The following PRRG1 variants were observed in gnomAD, a reference collection of about 807,000 sequenced individuals.
PRRG1 encodes transmembrane gamma-carboxyglutamic acid protein 1.
A neutral mutation model predicts 11.8 loss-of-function variants in PRRG1; 5 were observed. That is an observed-to-expected ratio of 0.42 (90% CI 0.22 to 0.89). PRRG1 has a LOEUF of 0.89. Ranked by LOEUF, PRRG1 falls within the 40% of genes least tolerant of loss-of-function variation. PRRG1 has a pLI of 0.28. For synonymous variants in PRRG1, 66 were observed against 60.4 expected, an observed-to-expected ratio of 1.09 and a Z score of -0.43; for missense variants, 155 against 166.1, an observed-to-expected ratio of 0.93 and a Z score of 0.37.
intron 3 of PRRG1, among the ~76,000 whole-genome samples, chrX:37,431,748 T>C (rs1422200811): frequency 9.0e-6 from 1 of 111,636 alleles, no homozygotes; most frequent in Non-Finnish European, 1.9e-5. Context: ...TGATTCTCAG[T>C]GTGAACAATG....
chrX:37,441,524 T>G, intron 3 of PRRG1: 10 of 758,522 alleles, frequency 1.3e-5, no homozygotes, highest in Non-Finnish European at 1.6e-5. Context: ...GTGCCTGCCA[T>G]GGCCACCACC....
intron 1 of PRRG1, among the ~76,000 whole-genome samples, chrX:37,364,043 G>T (rs916590926): frequency 1.9e-4 from 21 of 110,876 alleles, no homozygotes; most frequent in African/African-American, 6.2e-4. Context: ...AGTGAAGGAG[G>T]CCCTGTATTT....
At chrX:37,418,503 A>G (rs1157535288) in intron 2 of PRRG1, among the ~76,000 whole-genome samples, 1 of 112,248 alleles carries the variant, frequency 8.9e-6, no homozygotes, top group East Asian at 2.8e-4. Flanking sequence ...AAAATTTTCA[A>G]TTTGAGCAAA....
At chrX:37,403,072 C>T (rs1449721442) in intron 1 of PRRG1, among the ~76,000 whole-genome samples, 9 of 109,217 alleles carry the variant, frequency 8.2e-5, no homozygotes, top group Admixed American at 2.9e-4. Context: ...GTCAGTGTGG[C>T]GATTCCTCAG....
chrX:37,370,395 C>T (rs185768382), intron 1 of PRRG1, among the ~76,000 whole-genome samples: 97 of 111,777 alleles, frequency 8.7e-4, no homozygotes, highest in Middle Eastern at 4.6e-3. Flanking sequence ...CTAGAGCAGT[C>T]GCTGCCATGA....
At chrX:37,395,437 A>G (rs1601997783) in intron 1 of PRRG1, among the ~76,000 whole-genome samples, 1 of 110,493 alleles carries the variant, frequency 9.1e-6, no homozygotes, top group East Asian at 2.8e-4. Flanking sequence ...ACATGGTGAA[A>G]CCCCTGTTTC....
chrX:37,375,070 C>A (rs371806539), intron 1 of PRRG1, among the ~76,000 whole-genome samples: 1 of 111,934 alleles, frequency 8.9e-6, no homozygotes, highest in Admixed American at 9.5e-5. Flanking sequence ...ATTTGAGTTC[C>A]TCTAGCAACT....
intron 1 of PRRG1, among the ~76,000 whole-genome samples, chrX:37,401,653 A>G (rs1284715205): frequency 4.5e-5 from 5 of 110,298 alleles, no homozygotes; most frequent in East Asian, 2.9e-4. Context: ...GGCAGGAGAA[A>G]GAAATAAAGG....
chrX:37,399,249 CA>C (rs1213529816), intron 1 of PRRG1, among the ~76,000 whole-genome samples: 1 of 111,700 alleles, frequency 9.0e-6, no homozygotes, highest in Non-Finnish European at 1.9e-5. Flanking sequence ...GGGTTACCCA[CA>C]AAGGGAAGCC....
intron 3 of PRRG1, chrX:37,440,904 A>G (rs1556393440): frequency 2.0e-6 from 1 of 509,240 alleles, no homozygotes; most frequent in South Asian, 2.8e-5. Flanking sequence ...GGTGGGAACC[A>G]CAGGTGCATG....
chrX:37,405,881 T>A (rs1374463160), intron 1 of PRRG1, among the ~76,000 whole-genome samples: 2 of 111,798 alleles, frequency 1.8e-5, no homozygotes, highest in African/African-American at 6.5e-5. Flanking sequence ...GATTTTTGTC[T>A]GCCATTTTTG....
intron 1 of PRRG1, among the ~76,000 whole-genome samples, chrX:37,386,249 C>T (rs1471488864): frequency 1.2e-4 from 14 of 112,408 alleles, no homozygotes. Context: ...CTACTCAATA[C>T]ATTGTGGACA....
At chrX:37,395,236 C>G (rs189772565) in intron 1 of PRRG1, among the ~76,000 whole-genome samples, 1 of 112,082 alleles carries the variant, frequency 8.9e-6, no homozygotes, top group East Asian at 2.8e-4. Context: ...AAAACCCATG[C>G]TCTTACCTGT....
At chrX:37,355,321 C>T (rs1930203556) in intron 1 of PRRG1, among the ~76,000 whole-genome samples, 1 of 111,255 alleles carries the variant, frequency 9.0e-6, no homozygotes. Context: ...AATATTGACT[C>T]ATAAAATCTG....
In PRRG1 at chrX:37,453,126, G is replaced by A; in HGVS notation, c.172-10G>A. The A allele has an allele frequency of 8.5e-7, 1 of 1,182,119 alleles. No individual in the cohort carries two copies. Among genetic ancestry groups the A allele is most frequent in the South Asian group, 1.9e-5 (1 of 53,491 alleles). ...ACTGATTTTCTATTTATTTTGTATT[G>A]TATTTTCAGAAGGAGTTTTGGAGCA... On this transcript the variant is annotated splice_polypyrimidine_tract_variant and intron_variant, in intron 3 of 3. Coordinates refer to ENST00000378628, the MANE Select transcript of PRRG1 (RefSeq NM_001142395.2).
At chrX:37,392,010 T>A (rs1931555549) in intron 1 of PRRG1, among the ~76,000 whole-genome samples, 1 of 110,374 alleles carries the variant, frequency 9.1e-6, no homozygotes, top group African/African-American at 3.3e-5. Context: ...CTTGTTGATG[T>A]GTGAAAATTC....
chrX:37,410,991 A>G (rs1207320615), intron 2 of PRRG1, among the ~76,000 whole-genome samples: 7 of 112,252 alleles, frequency 6.2e-5, no homozygotes, highest in African/African-American at 2.3e-4. Flanking sequence ...TTTTACAAAG[A>G]GAATGTGAGG....
chrX:37,440,191 C>A (rs1285055914), intron 3 of PRRG1, among the ~76,000 whole-genome samples: 1 of 111,877 alleles, frequency 8.9e-6, no homozygotes, highest in East Asian at 2.8e-4. Flanking sequence ...TTTTAAGTGT[C>A]CAAAAGACCA....
In PRRG1 at chrX:37,455,508, G is replaced by A. The variant is rs1330753526; in HGVS notation, c.*1887G>A. On this transcript the variant is annotated 3_prime_UTR_variant, in exon 4 of 4. Coordinates refer to ENST00000378628, the MANE Select transcript of PRRG1 (RefSeq NM_001142395.2). ...CCTAATCTGAGTGTGTGGGCTGTTA[G>A]AGAACCCCTGCCATGCTCTGGTCTG... The A allele has an allele frequency of 8.9e-6, 1 of 112,017 alleles. No individual in the cohort carries two copies. The highest frequency in any genetic ancestry group is 1.9e-5 in the Non-Finnish European group (1 of 53,269). The allele number at this position is 112,017 out of a possible 1,213,427, so 9.2% of individuals were successfully genotyped here. A position where few individuals can be genotyped will look rare whatever the true frequency, so the allele number is the denominator to read the frequency against.
Sources: gnomAD v4.1 joint callset for allele counts (sites outside exome capture counted in the v4.1 genomes callset) on GRCh38, gnomAD v4.1.1 for gene constraint, MANE v1.5 for transcripts, NCBI Gene and HGNC (gene_info 2026-07-23, HGNC 2026-07-21) for gene names.